LTBP1: variants seen among roughly 807,000 people sequenced by gnomAD.
The protein encoded by LTBP1 is latent transforming growth factor beta binding protein 1.
A neutral mutation model predicts 207.6 loss-of-function variants in LTBP1; 129 were observed. The observed-to-expected ratio is 0.62, with a 90% CI of 0.54 to 0.72. LTBP1 has a LOEUF of 0.72. Among genes scored for constraint, LTBP1 ranks in the 30% least tolerant of loss-of-function variants. The probability of loss-of-function intolerance (pLI) is 0.00; values close to 1 mark genes in which losing one functional copy is unlikely to be tolerated. For missense variants in LTBP1, 2,281 were observed against 2,217.2 expected (o/e 1.03, Z -0.58); for synonymous variants, 963 against 833.7 (o/e 1.16, Z -2.67).
At chr2:33,283,868 T>A (rs369502970) in intron 19 of LTBP1, among the ~76,000 whole-genome samples, 1 of 152,250 alleles carries the variant, frequency 6.6e-6, no homozygotes. Flanking sequence ...GTGTCTTTTT[T>A]TCTAACTCTC....
At chr2:33,219,216 A>G (rs1431907174) in intron 8 of LTBP1, among the ~76,000 whole-genome samples, 3 of 152,210 alleles carry the variant, frequency 2.0e-5, no homozygotes, top group Admixed American at 2.0e-4. Context: ...TACAAAAATA[A>G]TCCATGTAAA....
At chr2:33,032,876 C>T (rs1260682662) in intron 3 of LTBP1, among the ~76,000 whole-genome samples, 2 of 152,084 alleles carry the variant, frequency 1.3e-5, no homozygotes, top group Non-Finnish European at 2.9e-5. Context: ...GCTTTTCATA[C>T]CTAGTGAGGA....
At position 33,134,274 on chromosome 2, in the gene LTBP1, T is replaced by C. The variant is rs1356421727; in HGVS notation, c.1034-519T>C. 2.7e-6 allele frequency: 1 copy of C among 373,530 alleles called. No individual in the cohort carries two copies. The highest frequency in any genetic ancestry group is 5.3e-6 in the Non-Finnish European group (1 of 187,922). 23.1% of individuals were successfully genotyped at this position (373,530 alleles called of 1,614,324 possible). A position where few individuals can be genotyped will look rare whatever the true frequency, so the allele number is the denominator to read the frequency against. On this transcript the variant is annotated intron_variant, in intron 4 of 33. Transcript: ENST00000404816. The surrounding 1 kb of genome is among the most constrained non-coding windows in gnomAD (Gnocchi z 4.4). ...AGAGTGCCAGGAGATTTGAGACAGA[T>C]GTTTTCAGACATGCCGCATGCCTAA...
At chr2:33,172,313 A>G (rs1224089494) in intron 5 of LTBP1, among the ~76,000 whole-genome samples, 2 of 152,198 alleles carry the variant, frequency 1.3e-5, no homozygotes, top group Non-Finnish European at 2.9e-5. Context: ...AAGAAGATCT[A>G]CCAAGCAAAT....
Position 33,266,656 on chromosome 2 carries a change from G to A in LTBP1, c.2617+3264G>A, listed in dbSNP as rs1215831719. 2.0e-5 allele frequency among the ~76,000 whole-genome samples: 3 copies of A among 152,144 alleles called. No homozygotes were observed. In the South Asian group the frequency reaches 6.2e-4, roughly 32 times the overall value. ...TCAGCCAAACTCACACAGATGTCAG[G>A]AGTACCAGCTGTGAGAAGGAGCTAC... On this transcript the variant is annotated intron_variant, in intron 15 of 33. Transcript: ENST00000404816.
At chr2:33,020,779 C>T (rs2149218901) in intron 2 of LTBP1, 130 bp from the exon 3 acceptor site, 2 of 862,022 alleles carry the variant, frequency 2.3e-6, no homozygotes, top group African/African-American at 1.7e-5. Flanking sequence ...CCCCACCTTC[C>T]TCCTTATGAG....
intron 3 of LTBP1, among the ~76,000 whole-genome samples, chr2:33,026,864 A>G (rs527774604): frequency 1.3e-5 from 2 of 152,366 alleles, no homozygotes; most frequent in East Asian, 3.9e-4. Context: ...AAAGTGACAT[A>G]TTCATGTAAG....
At chr2:33,252,567 C>A in intron 10 of LTBP1, 110 bp from the exon 11 acceptor site, 1 of 979,140 alleles carries the variant, frequency 1.0e-6, no homozygotes, top group Non-Finnish European at 1.5e-6. Flanking sequence ...ACAGATTTAT[C>A]CTGAAGTGTG....
Position 33,398,470 on chromosome 2 carries a change from G to A in LTBP1, c.5091G>A (p.Val1697=). 2 of 1,614,212 alleles carry A rather than the reference G, an allele frequency of 1.2e-6. No individual in the cohort carries two copies. Among genetic ancestry groups the A allele is most frequent in the Non-Finnish European group, 1.7e-6 (2 of 1,180,020 alleles). The change falls in exon 34 of 34, where the codon GTG becomes GTA. Residue 1697 remains valine, a synonymous_variant. Transcript: ENST00000404816. ...AGTGTTTGTGTCTGCCAGGCTACGT[G>A]CCTTCTGACAAGCCAAACTACTGCA... ...SYKCLCLPGY[V]PSDKPNYCTP... is the part of the protein sequence containing the mutation.
intron 19 of LTBP1, 117 bp downstream of exon 19, chr2:33,280,275 C>A: frequency 2.8e-6 from 3 of 1,076,544 alleles, no homozygotes; most frequent in Non-Finnish European, 3.7e-6. Flanking sequence ...AATCTTACAT[C>A]ATTCTAAGAA....
chr2:33,235,204 GA>G (rs897923332), intron 9 of LTBP1, among the ~76,000 whole-genome samples: 1 of 151,682 alleles, frequency 6.6e-6, no homozygotes, highest in East Asian at 2.0e-4. Context: ...AAATTTACAT[GA>G]AAAAAATCAA....
chr2:33,011,062 T>C (rs575120169), intron 2 of LTBP1, among the ~76,000 whole-genome samples: 5 of 152,160 alleles, frequency 3.3e-5, no homozygotes, highest in Non-Finnish European at 7.3e-5. Flanking sequence ...GTTCTAACTT[T>C]TACCACTATA....
chr2:33,365,884 G>A (rs1387728311), intron 31 of LTBP1, among the ~76,000 whole-genome samples: 2 of 152,234 alleles, frequency 1.3e-5, no homozygotes, highest in East Asian at 3.9e-4. Context: ...ATTAGAGACG[G>A]TAGAAAATCA....
intron 26 of LTBP1, among the ~76,000 whole-genome samples, chr2:33,355,160 G>T (rs1559059112): frequency 6.6e-6 from 1 of 151,952 alleles, no homozygotes; most frequent in African/African-American, 2.4e-5. Context: ...TGACGCCCGA[G>T]TGTCAGGAAT....
intron 7 of LTBP1, among the ~76,000 whole-genome samples, chr2:33,196,631 G>A (rs1278768336): frequency 5.9e-5 from 9 of 152,154 alleles, no homozygotes; most frequent in Admixed American, 5.9e-4. Context: ...GAAATGAACG[G>A]TTCTGAATTT....
intron 7 of LTBP1, among the ~76,000 whole-genome samples, chr2:33,204,727 G>A (rs1264551241): frequency 6.6e-6 from 1 of 152,148 alleles, no homozygotes; most frequent in East Asian, 1.9e-4. Flanking sequence ...GTATAGGTGT[G>A]TGCCACCATA....
At chr2:33,077,590 C>A (rs2078151746) in intron 3 of LTBP1, among the ~76,000 whole-genome samples, 1 of 152,112 alleles carries the variant, frequency 6.6e-6, no homozygotes, top group Admixed American at 6.5e-5. Flanking sequence ...AAGACAGCAC[C>A]AAGGGGATGG....
chr2:33,078,471 A>G (rs889441278), intron 3 of LTBP1, among the ~76,000 whole-genome samples: 4 of 152,240 alleles, frequency 2.6e-5, no homozygotes, highest in African/African-American at 4.8e-5. Flanking sequence ...ACTGATATTA[A>G]AGCCAAGCTT....
intron 2 of LTBP1, among the ~76,000 whole-genome samples, chr2:32,951,813 T>A (rs2148247237): frequency 6.6e-6 from 1 of 152,364 alleles, no homozygotes; most frequent in Middle Eastern, 3.4e-3. Flanking sequence ...GTCGATGATT[T>A]GGTTTTCTTC....
Sources: gnomAD v4.1 joint callset for allele counts (sites outside exome capture counted in the v4.1 genomes callset) on GRCh38, gnomAD v4.1.1 for gene constraint, Gnocchi (gnomAD v3.1) non-coding constraint, MANE v1.5 for transcripts, NCBI Gene and HGNC (gene_info 2026-07-23, HGNC 2026-07-21) for gene names.